The following DDI2 variants were observed in gnomAD, a reference collection of about 807,000 sequenced individuals.
The protein encoded by DDI2 is DDI proteasomal shuttling factor 2.
Under a neutral mutation model 48.1 loss-of-function variants are expected in DDI2, and 5 were observed. The ratio of observed to expected loss-of-function variants is 0.10; its 90% CI spans 0.05 to 0.22. The LOEUF is 0.22. Ranked by LOEUF, DDI2 falls within the 10% of genes least tolerant of loss-of-function variation. The pLI, the probability that DDI2 is intolerant of heterozygous loss-of-function variation, is 1.00. For synonymous variants in DDI2, 205 were observed against 183.6 expected (o/e 1.12, Z -0.94); for missense variants, 285 against 506.2 (o/e 0.56, Z 4.19).
Position 15,660,045 on chromosome 1 carries a change from A to C in DDI2, c.*255A>C, listed in dbSNP as rs34830712. The C allele has an allele frequency of 6.2e-4, 1,005 of 1,614,108 alleles. 6 individuals are homozygous for C. In the African/African-American group the frequency reaches 0.011, roughly 18 times the overall value. On this transcript the variant is annotated 3_prime_UTR_variant, in exon 10 of 10. Coordinates refer to ENST00000480945, the MANE Select transcript of DDI2 (RefSeq NM_032341.5). ...AAGCTGTGAAGGCTTTGAAGGCTTC[A>C]GCTGAATTCCAGCTAAACTCTGAAA...
intron 6 of DDI2, among the ~76,000 whole-genome samples, chr1:15,643,985 T>C (rs966570380): frequency 2.0e-5 from 3 of 152,222 alleles, no homozygotes; most frequent in African/African-American, 7.2e-5. Flanking sequence ...TGTTTACTCA[T>C]ATGACTGTGT....
At position 15,643,941 on chromosome 1, in the gene DDI2, A is replaced by C. The variant is rs535383359; in HGVS notation, c.889+291A>C. On this transcript the variant is annotated intron_variant, in intron 6 of 9. Coordinates refer to ENST00000480945, the MANE Select transcript of DDI2 (RefSeq NM_032341.5). Reference sequence around the variant, plus strand: ...TTTTAGCTGATTTATTTTTATACTTACCTCCATATTTCTAAATAACATGTT... The same window carrying C: ...TTTTAGCTGATTTATTTTTATACTTCCCTCCATATTTCTAAATAACATGTT... Among the ~76,000 whole-genome samples, 7 of 151,976 alleles carry C rather than the reference A, an allele frequency of 4.6e-5. No individual in the cohort carries two copies. The East Asian group carries it at 1.4e-3, about 29-fold the overall frequency.
chr1:15,634,916 A>G (rs536408330), intron 4 of DDI2, among the ~76,000 whole-genome samples: 1 of 152,228 alleles, frequency 6.6e-6, no homozygotes, highest in African/African-American at 2.4e-5. Flanking sequence ...ACAAGTGTGA[A>G]CACCATGTCC....
intron 8 of DDI2, 51 bp downstream of exon 8, chr1:15,651,946 G>A (rs376751519): frequency 1.4e-4 from 211 of 1,554,962 alleles, no homozygotes; most frequent in Admixed American, 2.0e-4. Flanking sequence ...GGGTAAGCCC[G>A]GGAAGTGTGG....
Position 15,643,539 on chromosome 1 carries a change from A to G in DDI2, c.778A>G (p.Met260Val). The change falls in exon 6 of 10, where the codon ATG becomes GTG. Residue 260 changes from methionine to valine, a missense_variant. Coordinates refer to ENST00000480945, the MANE Select transcript of DDI2 (RefSeq NM_032341.5). ...FVDSGAQMTI[M>V]SQACAERCNI... ...TCCTCCAGGTGCCCAGATGACTATCATGAGCCAAGCTTGTGCAGAAAGGTG... is the reference window on the plus strand; with the variant it reads ...TCCTCCAGGTGCCCAGATGACTATCGTGAGCCAAGCTTGTGCAGAAAGGTG... 1 of 1,613,784 alleles carries G rather than the reference A, an allele frequency of 6.2e-7. No homozygotes were observed. The highest frequency in any genetic ancestry group is 8.5e-7 in the Non-Finnish European group (1 of 1,179,918).
rs141031535 is a variant in DDI2, at chr1:15,630,530, C to T, written c.474C>T (p.Pro158=). Residue 158 remains proline (P), a synonymous_variant, in exon 3 of 10, where the codon CCC becomes CCT. Coordinates refer to ENST00000480945, the MANE Select transcript of DDI2 (RefSeq NM_032341.5). ...ELSLLKERNP[P]LAEALLSGDL... is the part of the protein sequence containing the mutation. Reference sequence around the variant, plus strand: ...CCTTGCTGAAGGAACGCAATCCACCCCTGGCAGAAGCTCTGCTCAGTGGAG... The same window carrying T: ...CCTTGCTGAAGGAACGCAATCCACCTCTGGCAGAAGCTCTGCTCAGTGGAG... 11 of 1,613,978 alleles carry T rather than the reference C, an allele frequency of 6.8e-6. No homozygotes were observed. Among genetic ancestry groups the T allele is most frequent in the East Asian group, 2.2e-5 (1 of 44,888 alleles).
intron 1 of DDI2, among the ~76,000 whole-genome samples, chr1:15,620,981 G>A (rs752614058): frequency 2.6e-5 from 4 of 152,190 alleles, no homozygotes; most frequent in Non-Finnish European, 5.9e-5. Flanking sequence ...TTGCACATAA[G>A]CATATAGTTG....
chr1:15,624,072 A>G (rs930457877), intron 1 of DDI2, among the ~76,000 whole-genome samples: 1 of 152,130 alleles, frequency 6.6e-6, no homozygotes, highest in South Asian at 2.1e-4. Context: ...AAATAAATAA[A>G]TACCGTTAAA....
At chr1:15,657,408 C>CT (rs1379629157) in intron 9 of DDI2, among the ~76,000 whole-genome samples, 1 of 152,108 alleles carries the variant, frequency 6.6e-6, no homozygotes, top group African/African-American at 2.4e-5. Flanking sequence ...TCTTTCTTTC[C>CT]TTTTTCTTTT....
intron 1 of DDI2, among the ~76,000 whole-genome samples, chr1:15,619,386 A>G (rs1639619697): frequency 6.6e-6 from 1 of 151,986 alleles, no homozygotes; most frequent in African/African-American, 2.4e-5. Context: ...TCGGCCTCCC[A>G]AAATGCTGCG....
chr1:15,643,741 GTTA>G (rs1247884668), intron 6 of DDI2, 91 bp downstream of exon 6: 4 of 1,510,996 alleles, frequency 2.6e-6, no homozygotes, highest in South Asian at 1.3e-5. Context: ...GTCTTTTGTT[GTTA>G]TTTTGTTGTT....
chr1:15,664,534 G>A lies in DDI2; in HGVS notation c.*4744G>A, dbSNP rs910594804. 4.6e-5 allele frequency: 7 copies of A among 151,888 alleles called. No homozygotes were observed. The highest frequency in any genetic ancestry group is 1.5e-4 in the African/African-American group (6 of 41,338). The allele number at this position is 151,888 out of a possible 1,614,324, so 9.4% of individuals were successfully genotyped here. On this transcript the variant is annotated 3_prime_UTR_variant, in exon 10 of 10. Transcript: ENST00000480945. The stretch of plus-strand genomic sequence containing the variant: ...GGGTATATTAAGGAGCATTACAATA[G>A]TGAACCTTCATCGTCAGCTTTTATT...
In DDI2 at chr1:15,662,453, A is replaced by G. The variant is rs536248081; in HGVS notation, c.*2663A>G. The G allele has an allele frequency of 5.9e-5, 9 of 152,328 alleles. No individual in the cohort carries two copies. Among genetic ancestry groups the G allele is most frequent in the African/African-American group, 2.2e-4 (9 of 41,582 alleles). The allele number at this position is 152,328 out of a possible 1,614,324, so 9.4% of individuals were successfully genotyped here. ...GGATATTGTGGGGGAGTTACAATGCAAGTGAAACGTGGTGCTACCCAGATT... is the reference window on the plus strand; with the variant it reads ...GGATATTGTGGGGGAGTTACAATGCGAGTGAAACGTGGTGCTACCCAGATT... On this transcript the variant is annotated 3_prime_UTR_variant, in exon 10 of 10. Coordinates refer to ENST00000480945, the MANE Select transcript of DDI2 (RefSeq NM_032341.5).
rs1570994412 is a variant in DDI2, at chr1:15,660,263, G to C, written c.*473G>C. ...CATCTCCATACAAGACAGGAAGCTA[G>C]TTTATCTGTCACATCTACTAGGATG... On this transcript the variant is annotated 3_prime_UTR_variant, in exon 10 of 10. Coordinates refer to ENST00000480945, the MANE Select transcript of DDI2 (RefSeq NM_032341.5). 3 of 1,614,196 alleles carry C rather than the reference G, an allele frequency of 1.9e-6. No homozygotes were observed. The highest frequency in any genetic ancestry group is 1.3e-5 in the African/African-American group (1 of 75,058).
intron 6 of DDI2, among the ~76,000 whole-genome samples, chr1:15,644,183 A>G (rs1477075391): frequency 6.6e-6 from 1 of 152,162 alleles, no homozygotes; most frequent in Non-Finnish European, 1.5e-5. Context: ...CATCCTATCA[A>G]AGATACTTCT....
At chr1:15,619,627 C>A (rs1022081228) in intron 1 of DDI2, among the ~76,000 whole-genome samples, 4 of 150,556 alleles carry the variant, frequency 2.7e-5, no homozygotes, top group African/African-American at 9.8e-5. Context: ...GCGCCCGACT[C>A]ATTTTTTGTA....
intron 5 of DDI2, among the ~76,000 whole-genome samples, chr1:15,641,994 A>C (rs1025563552): frequency 6.6e-6 from 1 of 151,956 alleles, no homozygotes; most frequent in Non-Finnish European, 1.5e-5. Context: ...AAAGGGCATC[A>C]GAAATAGCAG....
chr1:15,667,714 A>G lies in DDI2; in HGVS notation c.*7924A>G, dbSNP rs969047759. On this transcript the variant is annotated 3_prime_UTR_variant, in exon 10 of 10. Transcript: ENST00000480945. ...TAACCTGTTATTTTAAATGCCACAT[A>G]TATGTTGTAATGCTGAAGCATACAG... is the stretch of plus-strand genomic sequence containing the variant. 2 of 152,348 alleles carry G rather than the reference A, an allele frequency of 1.3e-5. No homozygotes were observed. Among genetic ancestry groups the G allele is most frequent in the East Asian group, 3.9e-4 (2 of 5,188 alleles). The allele number at this position is 152,348 out of a possible 1,614,324, so 9.4% of individuals were successfully genotyped here.
chr1:15,621,302 C>T (rs1639660442), intron 1 of DDI2, among the ~76,000 whole-genome samples: 1 of 152,024 alleles, frequency 6.6e-6, no homozygotes, highest in South Asian at 2.1e-4. Flanking sequence ...ATACAAGGAC[C>T]CTCAAATGAA....
Sources: allele counts gnomAD v4.1 joint callset (sites outside exome capture counted in the v4.1 genomes callset), GRCh38; gene constraint gnomAD v4.1.1; transcripts MANE v1.5; gene names NCBI Gene and HGNC (gene_info 2026-07-23, HGNC 2026-07-21).